EXOC4: variants seen among roughly 807,000 people sequenced by gnomAD.
EXOC4 encodes the protein SEC8-like 1.
Under a neutral mutation model 107.2 loss-of-function variants are expected in EXOC4, and 71 were observed. The observed-to-expected ratio is 0.66, with a 90% confidence interval of 0.55 to 0.81. The LOEUF (loss-of-function observed/expected upper bound fraction) is 0.81, where lower values mean the gene tolerates loss of function less well. Ranked by LOEUF, EXOC4 falls within the 30% of genes least tolerant of loss-of-function variation. The probability of loss-of-function intolerance (pLI) is 0.00; values close to 1 mark genes in which losing one functional copy is unlikely to be tolerated. For synonymous variants in EXOC4, 456 were observed against 441.2 expected, an observed-to-expected ratio of 1.03 and a Z score of -0.42; for missense variants, 1,108 against 1,189.6, an observed-to-expected ratio of 0.93 and a Z score of 1.01.
intron 9 of EXOC4, among the ~76,000 whole-genome samples, chr7:133,505,810 AT>A (rs2150892681): frequency 6.6e-6 from 1 of 152,188 alleles, no homozygotes; most frequent in South Asian, 2.1e-4. Context: ...GTTATAAATG[AT>A]TTGTAGCTTG....
At chr7:133,978,932 C>T (rs1038208555) in intron 14 of EXOC4, among the ~76,000 whole-genome samples, 2 of 152,156 alleles carry the variant, frequency 1.3e-5, no homozygotes, top group African/African-American at 4.8e-5. Context: ...CTAGAGGTGA[C>T]ACTGAGTTGA....
chr7:133,616,294 A>T (rs759278297), intron 9 of EXOC4, among the ~76,000 whole-genome samples: 1 of 151,976 alleles, frequency 6.6e-6, no homozygotes, highest in Non-Finnish European at 1.5e-5. Context: ...CTTTTTATAC[A>T]TCATAATGTG....
chr7:133,648,244 G>A (rs1042485282), intron 10 of EXOC4, among the ~76,000 whole-genome samples: 10 of 152,132 alleles, frequency 6.6e-5, no homozygotes, highest in African/African-American at 2.2e-4. Context: ...AGTGAACATT[G>A]TGATTCCCCT....
chr7:134,097,388 T>C, the EXOC4 span, among the ~76,000 whole-genome samples: 1 of 151,084 alleles, frequency 6.6e-6, no homozygotes, highest in Admixed American at 6.6e-5. Context: ...AAAAAAAAAG[T>C]TCATGGGTAG....
At chr7:133,418,558 C>T (rs1452027653) in intron 7 of EXOC4, among the ~76,000 whole-genome samples, 7 of 152,156 alleles carry the variant, frequency 4.6e-5, no homozygotes, top group African/African-American at 1.4e-4. Flanking sequence ...CATTGATTCT[C>T]TTGGGGTAAG....
chr7:133,552,241 C>A (rs923747564), intron 9 of EXOC4, among the ~76,000 whole-genome samples: 20 of 152,100 alleles, frequency 1.3e-4, no homozygotes, highest in African/African-American at 4.8e-4. Context: ...CATAAAAATG[C>A]TTCTCTAAGC....
At chr7:133,722,457 A>AT (rs374561579) in intron 10 of EXOC4, among the ~76,000 whole-genome samples, 33 of 151,770 alleles carry the variant, frequency 2.2e-4, no homozygotes, top group Non-Finnish European at 2.5e-4. Flanking sequence ...AGGAAGCAAT[A>AT]TTTTTTTTTC....
chr7:133,446,174 T>G (rs1407288376), intron 7 of EXOC4, among the ~76,000 whole-genome samples: 1 of 152,178 alleles, frequency 6.6e-6, no homozygotes, highest in African/African-American at 2.4e-5. Context: ...CCACATTCTT[T>G]CTCTGGTATC....
At chr7:133,269,891 G>A (rs1286709601) in intron 1 of EXOC4, among the ~76,000 whole-genome samples, 1 of 152,140 alleles carries the variant, frequency 6.6e-6, no homozygotes, top group Non-Finnish European at 1.5e-5. Context: ...TAAAGACTGT[G>A]CCTTGAATAA....
At chr7:133,873,495 G>T (rs1051389628) in intron 11 of EXOC4, among the ~76,000 whole-genome samples, 1 of 152,184 alleles carries the variant, frequency 6.6e-6, no homozygotes, top group African/African-American at 2.4e-5. Context: ...GTGTGGATGT[G>T]TGTGAGGCAG....
chr7:133,452,862 GGTTA>G (rs1798378698), intron 7 of EXOC4, among the ~76,000 whole-genome samples: 1 of 152,060 alleles, frequency 6.6e-6, no homozygotes, highest in African/African-American at 2.4e-5. Flanking sequence ...TGTCATGTGA[GGTTA>G]GTTGTGGAAT....
chr7:133,909,919 A>ATTTTTTTTTTTTTTTTTTTTTTTTTTT (rs764890539), intron 12 of EXOC4, among the ~76,000 whole-genome samples: 1 of 75,476 alleles, frequency 1.3e-5, no homozygotes. Flanking sequence ...GTTGAGACAG[A>ATTTTTTTTTTTTTTTTTTTTTTTTTTT]TTTTTTTTTT....
chr7:133,561,758 T>C (rs1197188949), intron 9 of EXOC4, among the ~76,000 whole-genome samples: 1 of 152,228 alleles, frequency 6.6e-6, no homozygotes, highest in Non-Finnish European at 1.5e-5. Flanking sequence ...TGCATGTTCT[T>C]TGAATTGTCA....
At chr7:133,277,699 G>T (rs1428128577) in intron 2 of EXOC4, among the ~76,000 whole-genome samples, 5 of 152,096 alleles carry the variant, frequency 3.3e-5, no homozygotes, top group Non-Finnish European at 5.9e-5. Flanking sequence ...CTTCAATATT[G>T]GGTAGAGAAA....
At chr7:133,774,101 CA>C (rs1391223065) in intron 10 of EXOC4, among the ~76,000 whole-genome samples, 1 of 152,058 alleles carries the variant, frequency 6.6e-6, no homozygotes, top group Non-Finnish European at 1.5e-5. Context: ...AGCCATAAAA[CA>C]AGGCCTGACC....
chr7:133,754,883 T>C (rs1795866563), intron 10 of EXOC4, among the ~76,000 whole-genome samples: 1 of 152,078 alleles, frequency 6.6e-6, no homozygotes, highest in South Asian at 2.1e-4. Flanking sequence ...CCTTGCTCTT[T>C]ATGAGGAGGG....
intron 7 of EXOC4, among the ~76,000 whole-genome samples, chr7:133,386,812 T>C (rs1333433005): frequency 6.9e-6 from 1 of 145,878 alleles, no homozygotes; most frequent in Non-Finnish European, 1.5e-5. Flanking sequence ...ATGAAAGACG[T>C]AATGAAAGGA....
intron 5 of EXOC4, among the ~76,000 whole-genome samples, chr7:133,354,414 A>G (rs957482799): frequency 1.3e-5 from 2 of 152,130 alleles, no homozygotes; most frequent in Non-Finnish European, 2.9e-5. Flanking sequence ...CTAAGCCTGC[A>G]CCTTTACATG....
chr7:133,400,693 G>T (rs1797070044), intron 7 of EXOC4, among the ~76,000 whole-genome samples: 1 of 152,100 alleles, frequency 6.6e-6, no homozygotes, highest in African/African-American at 2.4e-5. Flanking sequence ...TTTAGCACTT[G>T]TCCGTAACAA....
Sources: gnomAD v4.1 joint callset for allele counts (sites outside exome capture counted in the v4.1 genomes callset) on GRCh38, gnomAD v4.1.1 for gene constraint, MANE v1.5 for transcripts, NCBI Gene and HGNC (gene_info 2026-07-23, HGNC 2026-07-21) for gene names.